CENPT: variants seen among roughly 807,000 people sequenced by gnomAD.
CENPT encodes the protein centromere protein T.
Under a neutral mutation model 59.7 loss-of-function variants are expected in CENPT, and 42 were observed. The observed-to-expected ratio is 0.70, with a 90% CI of 0.55 to 0.91. The LOEUF (loss-of-function observed/expected upper bound fraction) is 0.91. Among genes scored for constraint, CENPT ranks in the 40% least tolerant of loss-of-function variants. CENPT has a pLI of 0.00. For missense variants in CENPT, 716 were observed against 713.4 expected (o/e 1.00, Z -0.04); for synonymous variants, 295 against 289.6 (o/e 1.02, Z -0.19).
chr16:67,843,132 AAGTGGAGTTTGCAGCCGCAG>A lies in CENPT; in HGVS notation c.-492+4249_-492+4268del. On this transcript the variant is annotated intron_variant, in intron 1 of 15. Transcript: ENST00000562787. The surrounding 1 kb of genome is among the most constrained non-coding windows in gnomAD (Gnocchi z 5.7). ...GTGAAGCCCATCGATCTCACAGTGC[AAGTGGAGTTTGCAGCCGCAG>A]AGGGCGCAGCCGCTGCGGCCGCCGC... 6.2e-7 allele frequency: 1 copy of A among 1,610,136 alleles called. No homozygotes were observed. The highest frequency in any genetic ancestry group is 8.5e-7 in the Non-Finnish European group (1 of 1,179,626).
chr16:67,838,217 C>T (rs1479949151), intron 1 of CENPT, among the ~76,000 whole-genome samples: 2 of 152,198 alleles, frequency 1.3e-5, no homozygotes, highest in African/African-American at 2.4e-5. Flanking sequence ...AAAGAAATTA[C>T]ATCAATTTGG....
chr16:67,840,043 G>A (rs1180418043), intron 1 of CENPT, among the ~76,000 whole-genome samples: 2 of 151,596 alleles, frequency 1.3e-5, no homozygotes, highest in African/African-American at 2.4e-5. Context: ...GAGGCCGGGC[G>A]CGGTGGCTCA....
rs2057719325 is a variant in CENPT at position 67,833,985 on chromosome 16, C to A, written c.-126G>T. ...ACGGGAATTGTAGTTCTCGCACTAT[C>A]GCAGCTCGCGGGGTGGACAGTGATG... is the stretch of plus-strand genomic sequence containing the variant. On this transcript the variant is annotated 5_prime_UTR_variant, in exon 4 of 16. Coordinates refer to ENST00000562787, the MANE Select transcript of CENPT (RefSeq NM_025082.4). 1.6e-6 allele frequency: 1 copy of A among 613,640 alleles called. No homozygotes were observed. The highest frequency in any genetic ancestry group is 2.6e-5 in the South Asian group (1 of 38,024). The allele number at this position is 613,640 out of a possible 1,614,324, so 38.0% of individuals were successfully genotyped here. A position where few individuals can be genotyped will look rare whatever the true frequency, so the allele number is the denominator to read the frequency against.
chr16:67,844,549 C>T (rs191299519), intron 1 of CENPT, among the ~76,000 whole-genome samples: 4 of 152,340 alleles, frequency 2.6e-5, no homozygotes, highest in East Asian at 3.9e-4. Context: ...GAATTTTGCT[C>T]ACCATGACAT....
intron 4 of CENPT, 98 bp from the exon 5 acceptor site, chr16:67,832,643 TCC>T: frequency 9.1e-7 from 1 of 1,094,512 alleles, no homozygotes; most frequent in Non-Finnish European, 1.3e-6. Context: ...GGAGCCGTTT[TCC>T]CTCAGGGCTA....
At chr16:67,844,589 C>A (rs773019696) in intron 1 of CENPT, among the ~76,000 whole-genome samples, 5 of 152,222 alleles carry the variant, frequency 3.3e-5, no homozygotes, top group Non-Finnish European at 7.3e-5. Flanking sequence ...CTCTGGTATG[C>A]ATGTGCATGC....
At position 67,829,406 on chromosome 16, in the gene CENPT, G is replaced by A. The variant is rs2057656266; in HGVS notation, c.1280+17C>T. ...CTTCCCAAGAGGCCCATGAGGAATG[G>A]GGTTGTGGGATCTTACACTGCAGCA... On this transcript the variant is annotated intron_variant, in intron 13 of 15. Transcript: ENST00000562787. 6.3e-7 allele frequency: 1 copy of A among 1,580,678 alleles called. No homozygotes were observed.
Position 67,828,294 on chromosome 16 carries a change from A to C in CENPT, c.1659T>G (p.Ser553Arg). ...ACTGGGCAGGGAAGACAGAGTTGCC[A>C]CTGTATGCACAGGGGATGAGCAGCT... is the stretch of plus-strand genomic sequence containing the variant. ...YRQLLIPCAYSGNSVFPAQ is the reference protein window; with the variant it reads ...YRQLLIPCAYRGNSVFPAQ The change falls in exon 16 of 16, where the codon AGT becomes AGG. Residue 553 changes from serine (S) to arginine (R), a missense_variant. Coordinates refer to ENST00000562787, the MANE Select transcript of CENPT (RefSeq NM_025082.4). 6.2e-7 allele frequency: 1 copy of C among 1,603,628 alleles called. No individual in the cohort carries two copies. The highest frequency in any genetic ancestry group is 8.5e-7 in the Non-Finnish European group (1 of 1,172,322).
Position 67,829,829 on chromosome 16 carries a change from C to G in CENPT, c.1122G>C (p.Gln374His). ...CTGGCCCGTCAGCCTCAGCAGTCCCCTGGGATCCCTCTGCTTCTGTCACCT... is the reference window on the plus strand; with the variant it reads ...CTGGCCCGTCAGCCTCAGCAGTCCCGTGGGATCCCTCTGCTTCTGTCACCT... ...HTEVTEAEGS[Q>H]GTAEADGPGA... The change falls in exon 12 of 16, where the codon CAG (glutamine) becomes CAC (histidine). Residue 374 changes from glutamine (Q) to histidine (H), a missense_variant. Gln to His is a conservative substitution (Grantham distance 24). Transcript: ENST00000562787. 2 of 1,614,266 alleles carry G rather than the reference C, an allele frequency of 1.2e-6. No individual in the cohort carries two copies. The highest frequency in any genetic ancestry group is 1.7e-6 in the Non-Finnish European group (2 of 1,180,042).
At chr16:67,841,010 CATATATATAT>C (rs66882634) in intron 1 of CENPT, among the ~76,000 whole-genome samples, 7,643 of 109,316 alleles carry the variant, frequency 0.07, 698 homozygotes, top group African/African-American at 0.23. Flanking sequence ...ATACAAAATA[CATATATATAT>C]ATATATATAT....
chr16:67,843,159 C>T lies in CENPT; in HGVS notation c.-492+4242G>A. ...GTGGAGTTTGCAGCCGCAGAGGGCG[C>T]AGCCGCTGCGGCCGCCGCGTCGGAG... On this transcript the variant is annotated intron_variant, in intron 1 of 15. Transcript: ENST00000562787. The surrounding 1 kb of genome is among the most constrained non-coding windows in gnomAD (Gnocchi z 5.7). 1 of 1,609,498 alleles carries T rather than the reference C, an allele frequency of 6.2e-7. No homozygotes were observed. Among genetic ancestry groups the T allele is most frequent in the Non-Finnish European group, 8.5e-7 (1 of 1,179,392 alleles).
rs777049827 is a variant in CENPT at position 67,829,882 on chromosome 16, T to C, written c.1069A>G (p.Arg357Gly). 6.2e-7 allele frequency: 1 copy of C among 1,614,270 alleles called. No individual in the cohort carries two copies. The highest frequency in any genetic ancestry group is 1.3e-5 in the African/African-American group (1 of 75,080). Reference protein sequence around the residue: ...MEATGAQGPSRVEEAEGHTEV... With the variant: ...MEATGAQGPSGVEEAEGHTEV... ...GTGTGTCCCTCAGCCTCTTCTACCC[T>C]GCTGGGTCCTTGTGCTCCTGTTGCC... The change falls in exon 12 of 16, where the codon AGG (arginine) becomes GGG (glycine). Residue 357 changes from arginine to glycine, a missense_variant. Physicochemically the swap from Arg to Gly is moderately radical, Grantham distance 125. Transcript: ENST00000562787.
Position 67,833,792 on chromosome 16 carries a change from G to A in CENPT, c.68C>T (p.Ala23Val), listed in dbSNP as rs778462309. Residue 23 changes from alanine (A) to valine (V), a missense_variant, in exon 4 of 16, where the codon GCG becomes GTG. Physicochemically the swap from Ala to Val is moderately conservative, Grantham distance 64. Transcript: ENST00000562787. ...GGGTCGCCGCGGGGTGCGCGGGTCC[G>A]CTGTATCCAGCACGCGTCGCAGCAG... ...RTLLRRVLDT[A>V]DPRTPRRPRS... The A allele has an allele frequency of 3.2e-6, 5 of 1,572,090 alleles. No individual in the cohort carries two copies. The highest frequency in any genetic ancestry group is 2.8e-5 in the African/African-American group (2 of 72,350).
rs774473156 is a variant in CENPT at position 67,842,977 on chromosome 16, G to T, written c.-492+4424C>A. ...CCTCACCCTCTGCCTCCACTGCCCA[G>T]ACTGCCCAGCTGCAGCCGAACCTGG... On this transcript the variant is annotated intron_variant, in intron 1 of 15. Coordinates refer to ENST00000562787, the MANE Select transcript of CENPT (RefSeq NM_025082.4). This position sits in a 1 kb window ranked among gnomAD's most constrained non-coding sequence, Gnocchi z 4.9. 174 of 1,611,398 alleles carry T rather than the reference G, an allele frequency of 1.1e-4. No homozygotes were observed. Among genetic ancestry groups the T allele is most frequent in the Non-Finnish European group, 1.4e-4 (169 of 1,179,582 alleles).
chr16:67,832,918 A>G (rs2057707366), intron 4 of CENPT, among the ~76,000 whole-genome samples: 1 of 152,190 alleles, frequency 6.6e-6, no homozygotes, highest in Non-Finnish European at 1.5e-5. Flanking sequence ...TGGATACTAA[A>G]GTATTTTAAA....
chr16:67,842,850 C>T lies in CENPT; in HGVS notation c.-492+4551G>A. ...GCGCGCAGACCCGCTGGGGCCGCGG[C>T]CGCCCGCCGCAGGCAGCAGCAGCAA... On this transcript the variant is annotated intron_variant, in intron 1 of 15. Coordinates refer to ENST00000562787, the MANE Select transcript of CENPT (RefSeq NM_025082.4). This position sits in a 1 kb window ranked among gnomAD's most constrained non-coding sequence, Gnocchi z 4.9. 1.9e-6 allele frequency: 3 copies of T among 1,607,234 alleles called. No homozygotes were observed. Among genetic ancestry groups the T allele is most frequent in the Non-Finnish European group, 2.5e-6 (3 of 1,178,690 alleles).
In CENPT at chr16:67,842,816, C is replaced by T. The variant is rs761198647; in HGVS notation, c.-492+4585G>A. ...CTTCCCGCTGCGCGGCGTCAATGAG[C>T]GCAAAGTAGCGCGCAGACCCGCTGG... On this transcript the variant is annotated intron_variant, in intron 1 of 15. Transcript: ENST00000562787. This position sits in a 1 kb window ranked among gnomAD's most constrained non-coding sequence, Gnocchi z 4.9. 6.2e-7 allele frequency: 1 copy of T among 1,610,514 alleles called. No homozygotes were observed. The highest frequency in any genetic ancestry group is 8.5e-7 in the Non-Finnish European group (1 of 1,179,252).
Position 67,832,685 on chromosome 16 carries a change from C to T in CENPT, c.111-140G>A, listed in dbSNP as rs58438362. 1,229 of 670,058 alleles carry T rather than the reference C, an allele frequency of 1.8e-3. 15 individuals are homozygous for T. The African/African-American group carries it at 0.021, about 11-fold the overall frequency. The allele number at this position is 670,058 out of a possible 1,614,324, so 41.5% of individuals were successfully genotyped here. ...CCCAGAAACCACTTGCCCCTACCATCGCCCCTGTTCCCAGCCCTATGTCAC... is the reference window on the plus strand; with the variant it reads ...CCCAGAAACCACTTGCCCCTACCATTGCCCCTGTTCCCAGCCCTATGTCAC... On this transcript the variant is annotated intron_variant, in intron 4 of 15. Coordinates refer to ENST00000562787, the MANE Select transcript of CENPT (RefSeq NM_025082.4).
intron 1 of CENPT, among the ~76,000 whole-genome samples, chr16:67,839,547 G>A (rs2057750169): frequency 2.0e-5 from 3 of 151,988 alleles, no homozygotes; most frequent in Admixed American, 1.3e-4. Flanking sequence ...GCAACAGAGT[G>A]AGACATCGTC....
Sources: gnomAD v4.1 joint callset for allele counts (sites outside exome capture counted in the v4.1 genomes callset) on GRCh38, gnomAD v4.1.1 for gene constraint, Gnocchi (gnomAD v3.1) non-coding constraint, MANE v1.5 for transcripts, NCBI Gene and HGNC (gene_info 2026-07-23, HGNC 2026-07-21) for gene names.